The following PRR16 variants were observed in gnomAD, a reference collection of about 807,000 sequenced individuals.
PRR16 encodes protein Largen.
Under a neutral mutation model 18.2 loss-of-function variants are expected in PRR16, and 6 were observed. The observed-to-expected ratio is 0.33, with a 90% CI of 0.18 to 0.65. The LOEUF is 0.65. PRR16 is among the 30% of genes least tolerant of loss of function. The pLI is 0.74. For missense variants in PRR16, 412 were observed against 376.6 expected (o/e 1.09, Z -0.78); for synonymous variants, 151 against 147.8 (o/e 1.02, Z -0.16).
At chr5:120,467,832 G>T (rs1336645077) in intron 1 of PRR16, among the ~76,000 whole-genome samples, 4 of 151,986 alleles carry the variant, frequency 2.6e-5, no homozygotes, top group Non-Finnish European at 5.9e-5. Context: ...GAAATAATAT[G>T]GGTCCTTTTG....
At chr5:120,542,096 G>T (rs1056568334) in intron 1 of PRR16, among the ~76,000 whole-genome samples, 32 of 151,936 alleles carry the variant, frequency 2.1e-4, no homozygotes, top group Admixed American at 9.8e-4. Context: ...AACTATTTTT[G>T]TGTGTGTGTT....
chr5:120,587,735 ATGT>A (rs1302954058), intron 1 of PRR16, among the ~76,000 whole-genome samples: 6 of 152,196 alleles, frequency 3.9e-5, no homozygotes, highest in Admixed American at 3.9e-4. Flanking sequence ...ACATAAATTA[ATGT>A]TGTTTTCATG....
the PRR16 span, among the ~76,000 whole-genome samples, chr5:120,784,940 T>C: frequency 2.0e-5 from 3 of 152,228 alleles, no homozygotes; most frequent in Admixed American, 6.5e-5. Flanking sequence ...ACTATGTAAC[T>C]AGTTGCAGGT....
intron 1 of PRR16, among the ~76,000 whole-genome samples, chr5:120,588,939 T>G (rs962653856): frequency 1.3e-5 from 2 of 152,084 alleles, no homozygotes; most frequent in African/African-American, 4.8e-5. Context: ...TTTTTTATAC[T>G]AAAGCCCAGT....
chr5:120,603,647 G>A (rs554017241), intron 1 of PRR16, among the ~76,000 whole-genome samples: 2 of 151,862 alleles, frequency 1.3e-5, no homozygotes, highest in African/African-American at 4.8e-5. Flanking sequence ...TAGGTGTGAT[G>A]TTAGGTTAAC....
At chr5:120,590,736 C>A (rs1037568) in intron 1 of PRR16, among the ~76,000 whole-genome samples, 120,627 of 151,886 alleles carry the variant, frequency 0.79, 48,301 homozygotes, top group East Asian at 0.91. Flanking sequence ...AAAATTATAA[C>A]ATGGTGTTGC....
At chr5:120,705,047 T>G in the PRR16 span, among the ~76,000 whole-genome samples, 2 of 151,812 alleles carry the variant, frequency 1.3e-5, no homozygotes, top group Non-Finnish European at 2.9e-5. Flanking sequence ...ACACTTTAAG[T>G]TTGTGTGATT....
At chr5:120,542,914 G>C (rs1279613292) in intron 1 of PRR16, among the ~76,000 whole-genome samples, 2 of 152,124 alleles carry the variant, frequency 1.3e-5, no homozygotes, top group Non-Finnish European at 2.9e-5. Flanking sequence ...ATTAACGAGT[G>C]ATTATTCAAT....
chr5:120,735,714 T>G, the PRR16 span, among the ~76,000 whole-genome samples: 1 of 152,144 alleles, frequency 6.6e-6, no homozygotes, highest in Admixed American at 6.5e-5. Context: ...ATATTCTGGA[T>G]TTTTATATAT....
chr5:120,745,163 A>C, the PRR16 span, among the ~76,000 whole-genome samples: 2 of 152,294 alleles, frequency 1.3e-5, no homozygotes, highest in East Asian at 3.9e-4. Context: ...GCTGAGTCCA[A>C]AGTGGGTCAG....
chr5:120,468,054 T>C (rs1012094520), intron 1 of PRR16, among the ~76,000 whole-genome samples: 42 of 152,248 alleles, frequency 2.8e-4, no homozygotes, highest in African/African-American at 9.6e-4. Context: ...TTGTGGCCTT[T>C]AGTGGCCACT....
At chr5:120,758,335 G>A in the PRR16 span, among the ~76,000 whole-genome samples, 2 of 145,812 alleles carry the variant, frequency 1.4e-5, no homozygotes, top group African/African-American at 2.4e-5. Context: ...CTGTATCATA[G>A]GCCCCATATG....
the PRR16 span, among the ~76,000 whole-genome samples, chr5:120,748,321 A>G: frequency 6.6e-6 from 1 of 152,126 alleles, no homozygotes; most frequent in Admixed American, 6.5e-5. Flanking sequence ...TTCTCTTCTA[A>G]AACATATTTG....
intron 1 of PRR16, among the ~76,000 whole-genome samples, chr5:120,609,438 T>C (rs1404514397): frequency 6.6e-6 from 1 of 152,150 alleles, no homozygotes; most frequent in Non-Finnish European, 1.5e-5. Flanking sequence ...GGAATATTCT[T>C]TATTGAGTTG....
chr5:120,774,289 T>C, the PRR16 span, among the ~76,000 whole-genome samples: 2 of 152,322 alleles, frequency 1.3e-5, no homozygotes, highest in South Asian at 4.1e-4. Context: ...GAAAAGATTG[T>C]GTTGTTCCCC....
chr5:120,691,591 A>G (rs975635604), downstream of PRR16, among the ~76,000 whole-genome samples: 4 of 152,106 alleles, frequency 2.6e-5, no homozygotes, highest in African/African-American at 9.7e-5. Flanking sequence ...AATTTCATCT[A>G]TTTAACATTG....
At chr5:120,500,875 A>G (rs1750428312) in intron 1 of PRR16, among the ~76,000 whole-genome samples, 1 of 152,056 alleles carries the variant, frequency 6.6e-6, no homozygotes, top group African/African-American at 2.4e-5. Context: ...TATCCTATAA[A>G]TTTTATGTTT....
intron 1 of PRR16, among the ~76,000 whole-genome samples, chr5:120,612,549 C>A (rs916188995): frequency 1.3e-5 from 2 of 151,606 alleles, no homozygotes; most frequent in South Asian, 4.1e-4. Context: ...GTTTATCAGG[C>A]GCTTCTACTT....
At chr5:120,521,153 A>G in intron 1 of PRR16, among the ~76,000 whole-genome samples, 1 of 152,156 alleles carries the variant, frequency 6.6e-6, no homozygotes, top group Non-Finnish European at 1.5e-5. Context: ...AACCAAACCA[A>G]GGATACAGGA....
Sources: allele counts gnomAD v4.1 joint callset (sites outside exome capture counted in the v4.1 genomes callset), GRCh38; gene constraint gnomAD v4.1.1; transcripts MANE v1.5; gene names NCBI Gene and HGNC (gene_info 2026-07-23, HGNC 2026-07-21).